PLEKHB2: variants seen among roughly 807,000 people sequenced by gnomAD.
PLEKHB2 encodes pleckstrin homology domain-containing family B member 2.
A neutral mutation model predicts 36.5 loss-of-function variants in PLEKHB2; 31 were observed. The observed-to-expected ratio is 0.85, with a 90% CI of 0.64 to 1.15. The LOEUF (loss-of-function observed/expected upper bound fraction) is 1.15, where lower values mean the gene tolerates loss of function less well. PLEKHB2 is among the 50% of genes most tolerant of loss of function. PLEKHB2 has a pLI of 0.00. For missense variants in PLEKHB2, 262 were observed against 295.3 expected, an observed-to-expected ratio of 0.89 and a Z score of 0.83; for synonymous variants, 119 against 112.0, an observed-to-expected ratio of 1.06 and a Z score of -0.39.
chr2:131,110,413 C>T (rs1445809064), intron 1 of PLEKHB2, among the ~76,000 whole-genome samples: 1 of 151,834 alleles, frequency 6.6e-6, no homozygotes, highest in African/African-American at 2.4e-5. Flanking sequence ...TACTCTGTCG[C>T]CCAGGCTGGA....
At chr2:131,126,633 T>C in intron 3 of PLEKHB2, 51 bp from the exon 4 acceptor site, 2 of 1,037,586 alleles carry the variant, frequency 1.9e-6, no homozygotes, top group South Asian at 1.3e-5. Context: ...TCTTAGAAAA[T>C]GTAAGAAGAA....
intron 1 of PLEKHB2, among the ~76,000 whole-genome samples, chr2:131,108,290 T>C (rs1694940320): frequency 6.6e-6 from 1 of 152,262 alleles, no homozygotes; most frequent in Non-Finnish European, 1.5e-5. Flanking sequence ...GCATAGGTTT[T>C]ATTGGCATAA....
intron 1 of PLEKHB2, among the ~76,000 whole-genome samples, chr2:131,111,864 T>G (rs75440723): frequency 0.014 from 2,112 of 152,250 alleles, 47 homozygotes; most frequent in African/African-American, 0.048. Context: ...TTCTTGAAAA[T>G]TTTATTTTCT....
intron 1 of PLEKHB2, among the ~76,000 whole-genome samples, chr2:131,114,930 C>T (rs1420091936): frequency 3.3e-5 from 5 of 152,184 alleles, no homozygotes; most frequent in Admixed American, 3.3e-4. Flanking sequence ...TCCACATTTT[C>T]AGTTATCTTT....
At position 131,120,964 on chromosome 2, in the gene PLEKHB2, G is replaced by C. The variant is rs1696452198; in HGVS notation, c.23G>C (p.Trp8Ser). The C allele has an allele frequency of 1.9e-6, 3 of 1,614,060 alleles. No homozygotes were observed. Among genetic ancestry groups the C allele is most frequent in the East Asian group, 2.2e-5 (1 of 44,894 alleles). Reference sequence around the variant, plus strand: ...GAGATGGCGTTTGTGAAGAGTGGCTGGTTGCTGCGACAGAGTGAGTACAGG... The same window carrying C: ...GAGATGGCGTTTGTGAAGAGTGGCTCGTTGCTGCGACAGAGTGAGTACAGG... The part of the protein sequence containing the change: MAFVKSG[W>S]LLRQSTILKR... The change falls in exon 2 of 8, where the codon TGG becomes TCG. Residue 8 changes from tryptophan to serine, a missense_variant. Physicochemically the swap from Trp to Ser is radical, Grantham distance 177. Coordinates refer to ENST00000693505, the MANE Select transcript of PLEKHB2 (RefSeq NM_001100623.2).
chr2:131,143,954 G>A (rs574359869), intron 7 of PLEKHB2, among the ~76,000 whole-genome samples: 2 of 152,318 alleles, frequency 1.3e-5, no homozygotes, highest in East Asian at 3.9e-4. Context: ...CTCACAGGCA[G>A]TACTCGGAAT....
chr2:131,141,575 G>C (rs1698788896), intron 7 of PLEKHB2, among the ~76,000 whole-genome samples: 1 of 149,802 alleles, frequency 6.7e-6, no homozygotes, highest in Non-Finnish European at 1.5e-5. Flanking sequence ...GGGAGGCGGA[G>C]CTTGCAGTGA....
intron 6 of PLEKHB2, among the ~76,000 whole-genome samples, chr2:131,138,645 A>C (rs2104949300): frequency 6.6e-6 from 1 of 151,994 alleles, no homozygotes; most frequent in South Asian, 2.1e-4. Context: ...TTAGGTTCTG[A>C]CTAGATCTCC....
intron 7 of PLEKHB2, among the ~76,000 whole-genome samples, chr2:131,142,739 G>T (rs903357650): frequency 1.3e-5 from 2 of 151,838 alleles, no homozygotes; most frequent in African/African-American, 2.4e-5. Flanking sequence ...TGTATTTTTA[G>T]TAGAGATGGT....
At chr2:131,110,194 C>T (rs1695151819) in intron 1 of PLEKHB2, among the ~76,000 whole-genome samples, 1 of 152,034 alleles carries the variant, frequency 6.6e-6, no homozygotes, top group East Asian at 1.9e-4. Context: ...GACTTTTGAT[C>T]ATAGAAGACT....
chr2:131,110,538 G>A (rs1406121471), intron 1 of PLEKHB2, among the ~76,000 whole-genome samples: 1 of 152,064 alleles, frequency 6.6e-6, no homozygotes, highest in African/African-American at 2.4e-5. Flanking sequence ...ACTATGTGCA[G>A]CTAACTTCTT....
chr2:131,136,952 T>G (rs1367773631), intron 6 of PLEKHB2, among the ~76,000 whole-genome samples: 1 of 149,262 alleles, frequency 6.7e-6, no homozygotes, highest in Non-Finnish European at 1.5e-5. Flanking sequence ...TTCTTTCTTT[T>G]TTTTTTTTTT....
At chr2:131,114,314 C>T (rs183895348) in intron 1 of PLEKHB2, among the ~76,000 whole-genome samples, 3,278 of 152,104 alleles carry the variant, frequency 0.022, 123 homozygotes, top group African/African-American at 0.075. Context: ...TTAGTAGAGA[C>T]GGGGTTTCAT....
intron 6 of PLEKHB2, among the ~76,000 whole-genome samples, chr2:131,134,057 G>A (rs1377239154): frequency 3.3e-5 from 5 of 150,826 alleles, no homozygotes; most frequent in African/African-American, 4.9e-5. Context: ...CCGCCACCAC[G>A]CCCGGCTAAT....
At chr2:131,113,825 G>A (rs1695580240) in intron 1 of PLEKHB2, among the ~76,000 whole-genome samples, 1 of 152,172 alleles carries the variant, frequency 6.6e-6, no homozygotes, top group Non-Finnish European at 1.5e-5. Context: ...ATCATCTTCA[G>A]GATCAGGGAG....
In PLEKHB2 at chr2:131,120,975, C is replaced by T; in HGVS notation, c.34C>T (p.Gln12Ter). The change falls in exon 2 of 8, where the codon CAG becomes TAG. Residue 12 changes from glutamine (Q) to a stop codon, truncating the protein, a stop_gained. Coordinates refer to ENST00000693505, the MANE Select transcript of PLEKHB2 (RefSeq NM_001100623.2). LOFTEE classifies it high-confidence loss of function. ...TGTGAAGAGTGGCTGGTTGCTGCGA[C>T]AGAGTGAGTACAGGATGTGCGGTCT... is the stretch of plus-strand genomic sequence containing the variant. ...AFVKSGWLLR[Q>*]STILKRWKKN... The T allele has an allele frequency of 1.2e-6, 2 of 1,614,110 alleles. No homozygotes were observed. The highest frequency in any genetic ancestry group is 1.7e-6 in the Non-Finnish European group (2 of 1,179,930).
At chr2:131,118,804 C>T (rs1347540673) in intron 1 of PLEKHB2, 1 of 119,428 alleles carries the variant, frequency 8.4e-6, no homozygotes, top group East Asian at 3.0e-4. Flanking sequence ...GGAGGCGGAG[C>T]TTGCAGTGAG....
intron 1 of PLEKHB2, among the ~76,000 whole-genome samples, chr2:131,116,844 G>A (rs1373333417): frequency 1.3e-5 from 2 of 152,078 alleles, no homozygotes; most frequent in Non-Finnish European, 2.9e-5. Flanking sequence ...ACTCTTTATC[G>A]GCCAGGCACA....
intron 1 of PLEKHB2, among the ~76,000 whole-genome samples, chr2:131,114,365 C>T (rs1031696840): frequency 6.6e-6 from 1 of 152,140 alleles, no homozygotes; most frequent in Non-Finnish European, 1.5e-5. Flanking sequence ...ACCTCGTGAT[C>T]CACCCTCCTC....
Sources: gnomAD v4.1 joint callset for allele counts (sites outside exome capture counted in the v4.1 genomes callset) on GRCh38, gnomAD v4.1.1 for gene constraint, MANE v1.5 for transcripts, NCBI Gene and HGNC (gene_info 2026-07-23, HGNC 2026-07-21) for gene names.